PCCB: variants seen among roughly 807,000 people sequenced by gnomAD.
PCCB encodes the protein propionyl-CoA carboxylase beta chain, mitochondrial.
In PCCB, 43 loss-of-function variants were observed where a neutral mutation model predicts 60.7. The observed-to-expected ratio is 0.71, with a 90% CI of 0.55 to 0.91. The LOEUF (loss-of-function observed/expected upper bound fraction) is 0.91. Ranked by LOEUF, PCCB falls within the 40% of genes least tolerant of loss-of-function variation. The pLI is 0.00. For synonymous variants in PCCB, 276 were observed against 255.9 expected (o/e 1.08, Z -0.75); for missense variants, 766 against 702.8 (o/e 1.09, Z -1.02).
intron 5 of PCCB, among the ~76,000 whole-genome samples, chr3:136,276,335 G>T (rs1404898371): frequency 6.6e-6 from 1 of 152,190 alleles, no homozygotes; most frequent in Admixed American, 6.5e-5. Context: ...CACCCTTGAT[G>T]AAAGTGGCTG....
intron 9 of PCCB, among the ~76,000 whole-genome samples, chr3:136,303,687 C>T (rs373391426): frequency 8.2e-6 from 1 of 121,524 alleles, no homozygotes; most frequent in African/African-American, 2.5e-5. Flanking sequence ...CACTGCAACC[C>T]CTGCCTCCTG....
At chr3:136,262,094 A>C in intron 5 of PCCB, 29 bp downstream of exon 5, 1 of 1,382,306 alleles carries the variant, frequency 7.2e-7, no homozygotes, top group Non-Finnish European at 1.0e-6. Flanking sequence ...GAGAATAAAA[A>C]AATACAGGGC....
At chr3:136,317,211 A>AGTT in intron 10 of PCCB, 147 bp downstream of exon 10, 1 of 322,742 alleles carries the variant, frequency 3.1e-6, no homozygotes, top group Non-Finnish European at 5.0e-6. Flanking sequence ...TATAAAAGCT[A>AGTT]ATTTTTTTTT....
chr3:136,253,113 A>T (rs1941567011), intron 1 of PCCB, among the ~76,000 whole-genome samples: 2 of 118,046 alleles, frequency 1.7e-5, no homozygotes, highest in African/African-American at 3.4e-5. Flanking sequence ...TTTTTAAGAT[A>T]GAGTCTTGCT....
chr3:136,298,953 G>C (rs1236917872), intron 8 of PCCB, among the ~76,000 whole-genome samples: 1 of 152,184 alleles, frequency 6.6e-6, no homozygotes, highest in Non-Finnish European at 1.5e-5. Flanking sequence ...GCCTCACTCT[G>C]TCTGCCTCTG....
intron 8 of PCCB, among the ~76,000 whole-genome samples, chr3:136,299,746 G>A (rs1374275170): frequency 7.9e-6 from 1 of 126,936 alleles, no homozygotes; most frequent in African/African-American, 3.0e-5. Flanking sequence ...GTATGTATAG[G>A]TATGCATGTG....
In PCCB at chr3:136,327,236, TCA is replaced by T. The variant is rs775583360; in HGVS notation, c.1283_1284del (p.Thr428SerfsTer12). On this transcript the variant is annotated frameshift_variant, in exon 12 of 15. Coordinates refer to ENST00000251654, the MANE Select transcript of PCCB (RefSeq NM_000532.5). LOFTEE classifies it high-confidence loss of function. Reference sequence around the variant, plus strand: ...TTTGCTGAGGCAACTGTACCCAAAGTCACAGTCATCACCAGGAAGGTGAGGAC... The same window carrying T: ...TTTGCTGAGGCAACTGTACCCAAAGTCAGTCATCACCAGGAAGGTGAGGAC... 8.1e-6 allele frequency: 13 copies of T among 1,613,908 alleles called. No homozygotes were observed. Among genetic ancestry groups the T allele is most frequent in the Non-Finnish European group, 1.1e-5 (13 of 1,179,792 alleles).
At chr3:136,326,426 G>A (rs1224094589) in intron 10 of PCCB, 1 of 702,296 alleles carries the variant, frequency 1.4e-6, no homozygotes, top group Non-Finnish European at 2.6e-6. Flanking sequence ...ATTTCTCAAG[G>A]GCACGTTGCC....
intron 7 of PCCB, among the ~76,000 whole-genome samples, chr3:136,294,202 CA>C (rs1933833655): frequency 6.6e-6 from 1 of 152,122 alleles, no homozygotes; most frequent in African/African-American, 2.4e-5. Flanking sequence ...CTTATTGTGA[CA>C]TTTTTTATTC....
chr3:136,252,233 G>T (rs982663645), intron 1 of PCCB: 7 of 454,080 alleles, frequency 1.5e-5, no homozygotes, highest in Non-Finnish European at 3.1e-5. Context: ...TTTCCCAGAA[G>T]AGGAATTAGT....
intron 9 of PCCB, among the ~76,000 whole-genome samples, chr3:136,311,643 G>C (rs775273393): frequency 6.6e-6 from 1 of 151,990 alleles, no homozygotes; most frequent in African/African-American, 2.4e-5. Flanking sequence ...CCCAGCCCAG[G>C]GTGATCTTAA....
At chr3:136,321,875 A>G (rs1218708725) in intron 10 of PCCB, among the ~76,000 whole-genome samples, 1 of 152,186 alleles carries the variant, frequency 6.6e-6, no homozygotes, top group Admixed American at 6.5e-5. Context: ...TCCAGCAGTT[A>G]TTTTTTGGTC....
At chr3:136,329,555 G>A (rs1935463015) in intron 14 of PCCB, among the ~76,000 whole-genome samples, 1 of 152,234 alleles carries the variant, frequency 6.6e-6, no homozygotes, top group South Asian at 2.1e-4. Flanking sequence ...TGCAGGACTT[G>A]TGTACAAGGA....
intron 5 of PCCB, among the ~76,000 whole-genome samples, chr3:136,270,026 G>A (rs1031138973): frequency 3.6e-4 from 54 of 148,948 alleles, no homozygotes; most frequent in African/African-American, 1.3e-3. Flanking sequence ...TCTCTTGAAG[G>A]TTGAGGAAGT....
At chr3:136,269,569 A>G (rs1243632742) in intron 5 of PCCB, among the ~76,000 whole-genome samples, 2 of 152,018 alleles carry the variant, frequency 1.3e-5, no homozygotes, top group Non-Finnish European at 2.9e-5. Context: ...CCTGTAGTAC[A>G]GTGTTAAGTA....
intron 5 of PCCB, among the ~76,000 whole-genome samples, chr3:136,264,417 G>A (rs113623514): frequency 5.8e-5 from 7 of 121,546 alleles, no homozygotes; most frequent in African/African-American, 2.2e-4. Context: ...TTCTGTCTCT[G>A]TCTCTCATAT....
At chr3:136,272,005 T>C (rs960646592) in intron 5 of PCCB, among the ~76,000 whole-genome samples, 2 of 152,154 alleles carry the variant, frequency 1.3e-5, no homozygotes, top group African/African-American at 4.8e-5. Context: ...GTTTATCATA[T>C]ATTGCTTTTA....
At chr3:136,325,807 G>A (rs1240612415) in intron 10 of PCCB, among the ~76,000 whole-genome samples, 1 of 151,980 alleles carries the variant, frequency 6.6e-6, no homozygotes, top group Non-Finnish European at 1.5e-5. Context: ...AACCCCACTT[G>A]GACATGATGT....
intron 5 of PCCB, among the ~76,000 whole-genome samples, chr3:136,269,780 G>A (rs1468388790): frequency 6.6e-6 from 1 of 151,820 alleles, no homozygotes; most frequent in African/African-American, 2.4e-5. Flanking sequence ...CAGCTACTCG[G>A]GAGGCTGAGG....
Sources: gnomAD v4.1 joint callset for allele counts (sites outside exome capture counted in the v4.1 genomes callset) on GRCh38, gnomAD v4.1.1 for gene constraint, MANE v1.5 for transcripts, NCBI Gene and HGNC (gene_info 2026-07-23, HGNC 2026-07-21) for gene names.